Variants in TARS2 observed in about 807,000 individuals in gnomAD.
TARS2 encodes threonine--tRNA ligase, mitochondrial.
A neutral mutation model predicts 94.4 loss-of-function variants in TARS2; 61 were observed. The observed-to-expected ratio is 0.65, with a 90% CI of 0.53 to 0.80. The LOEUF is 0.80. Ranked by LOEUF, TARS2 falls within the 30% of genes least tolerant of loss-of-function variation. TARS2 has a pLI of 0.00. For missense variants in TARS2, 704 were observed against 902.5 expected (o/e 0.78, Z 2.82); for synonymous variants, 359 against 353.4 (o/e 1.02, Z -0.18).
chr1:150,503,387 T>C (rs1670007503), intron 13 of TARS2, among the ~76,000 whole-genome samples: 2 of 151,748 alleles, frequency 1.3e-5, no homozygotes, highest in South Asian at 4.2e-4. Context: ...GAAGTGCCAT[T>C]AATAGGAATA....
chr1:150,494,737 C>A (rs1475338571), intron 7 of TARS2, among the ~76,000 whole-genome samples: 2 of 151,772 alleles, frequency 1.3e-5, no homozygotes, highest in Non-Finnish European at 2.9e-5. Flanking sequence ...GACTCTGTTT[C>A]AAAAAATATA....
intron 3 of TARS2, 150 bp from the exon 4 acceptor site, chr1:150,490,451 A>AC: frequency 8.4e-7 from 1 of 1,193,012 alleles, no homozygotes. Flanking sequence ...TTTAGTGGTC[A>AC]CCCCCAAAAT....
chr1:150,501,840 T>C (rs1272036631), intron 13 of TARS2, among the ~76,000 whole-genome samples: 2 of 151,120 alleles, frequency 1.3e-5, no homozygotes, highest in Non-Finnish European at 3.0e-5. Flanking sequence ...AATAAAAAGA[T>C]AGAGAAAGGA....
intron 16 of TARS2, 138 bp downstream of exon 16, chr1:150,505,116 C>A: frequency 1.3e-6 from 1 of 784,738 alleles, no homozygotes; most frequent in Non-Finnish European, 2.1e-6. Context: ...GCTCGAGTGG[C>A]TGCTGTCCTA....
chr1:150,498,846 C>T (rs1035457579), intron 11 of TARS2, 51 bp from the exon 12 acceptor site: 1 of 1,612,720 alleles, frequency 6.2e-7, no homozygotes, highest in Non-Finnish European at 8.5e-7. Context: ...TGCCAGCATC[C>T]CTGATCTCTA....
At position 150,491,054 on chromosome 1, in the gene TARS2, C is replaced by CA. The variant is rs66499095; in HGVS notation, c.513-330dup. 1.9e-3 allele frequency among the ~76,000 whole-genome samples: 247 copies of CA among 129,962 alleles called. 1 individual carries two copies. Among genetic ancestry groups the CA allele is most frequent in the African/African-American group, 5.2e-3 (204 of 39,494 alleles). The allele number at this position is 129,962 out of a possible 152,430, so 85.3% of individuals were successfully genotyped here. A position where few individuals can be genotyped will look rare whatever the true frequency, so the allele number is the denominator to read the frequency against. On this transcript the variant is annotated intron_variant, in intron 4 of 17. Coordinates refer to ENST00000369064, the MANE Select transcript of TARS2 (RefSeq NM_025150.5). ...TGTGTGACACAGCAAGACACTTTCT[C>CA]AAAAAAAAAACAAAAAGAAAAAGAA...
At chr1:150,499,948 G>T (rs1669838297) in intron 13 of TARS2, among the ~76,000 whole-genome samples, 1 of 149,334 alleles carries the variant, frequency 6.7e-6, no homozygotes, top group African/African-American at 2.4e-5. Context: ...AGAGGCTGGG[G>T]ATAAGGATGA....
chr1:150,488,112 C>T, intron 2 of TARS2, 58 bp downstream of exon 2: 1 of 1,567,252 alleles, frequency 6.4e-7, no homozygotes, highest in Non-Finnish European at 8.7e-7. Flanking sequence ...ACTTTCTCTT[C>T]ACTTGAGCAG....
At chr1:150,490,848 C>CTATG in intron 4 of TARS2, 123 bp downstream of exon 4, 1 of 1,378,154 alleles carries the variant, frequency 7.3e-7, no homozygotes, top group Non-Finnish European at 1.0e-6. Context: ...TAGGTCTCAA[C>CTATG]TATGACATTA....
At chr1:150,494,017 T>C (rs1273166491) in intron 7 of TARS2, among the ~76,000 whole-genome samples, 1 of 151,870 alleles carries the variant, frequency 6.6e-6, no homozygotes, top group Non-Finnish European at 1.5e-5. Context: ...TCCCCATCTA[T>C]AAAATGAGGC....
In TARS2 at chr1:150,505,670, G is replaced by A. The variant is rs746037684; in HGVS notation, c.1973G>A (p.Arg658His). Reference sequence around the variant, plus strand: ...GGACTGACCCTCAGCCGGAGAATCCGCCGGGCCCAGCTTGCCCACTACAAT... The same window carrying A: ...GGACTGACCCTCAGCCGGAGAATCCACCGGGCCCAGCTTGCCCACTACAAT... ...DSGLTLSRRIRRAQLAHYNFQ... is the reference protein window; with the variant it reads ...DSGLTLSRRIHRAQLAHYNFQ... The change falls in exon 17 of 18, where the codon CGC becomes CAC. Residue 658 changes from arginine (R) to histidine (H), a missense_variant. By Grantham distance (29) the Arg-to-His change is conservative (BLOSUM62 0). Around this residue, in one of 3 missense-constraint regions of TARS2, gnomAD observed 466 missense variants for 609.5 expected, o/e 0.76. Coordinates refer to ENST00000369064, the MANE Select transcript of TARS2 (RefSeq NM_025150.5). 2.2e-5 allele frequency: 35 copies of A among 1,614,020 alleles called. No individual in the cohort carries two copies. Among genetic ancestry groups the A allele is most frequent in the African/African-American group, 2.7e-5 (2 of 74,920 alleles).
chr1:150,489,102 T>C lies in TARS2; in HGVS notation c.387+15T>C. The C allele has an allele frequency of 6.2e-7, 1 of 1,614,002 alleles. No homozygotes were observed. Among genetic ancestry groups the C allele is most frequent in the Non-Finnish European group, 8.5e-7 (1 of 1,179,906 alleles). On this transcript the variant is annotated intron_variant, in intron 3 of 17. Coordinates refer to ENST00000369064, the MANE Select transcript of TARS2 (RefSeq NM_025150.5). ...AGGGGAAAGCAGTAAGTTTCTTTCT[T>C]ATCAGGAATACAGTGACTACTAAAC...
At chr1:150,504,114 T>A (rs1285092407) in intron 13 of TARS2, among the ~76,000 whole-genome samples, 3 of 151,964 alleles carry the variant, frequency 2.0e-5, no homozygotes, top group Non-Finnish European at 4.4e-5. Context: ...GGTAATATTA[T>A]AACACCATTA....
chr1:150,502,534 CGCT>C (rs1669974411), intron 13 of TARS2, among the ~76,000 whole-genome samples: 1 of 152,010 alleles, frequency 6.6e-6, no homozygotes, highest in Non-Finnish European at 1.5e-5. Context: ...TACAGGCACC[CGCT>C]ACCACACCAG....
At chr1:150,503,579 A>G (rs868548572) in intron 13 of TARS2, among the ~76,000 whole-genome samples, 3,400 of 90,126 alleles carry the variant, frequency 0.038, 105 homozygotes, top group African/African-American at 0.094. Context: ...GTGTGTGTGT[A>G]TATATATGTG....
chr1:150,496,969 C>A, intron 9 of TARS2, 61 bp downstream of exon 9: 1 of 1,531,788 alleles, frequency 6.5e-7, no homozygotes, highest in South Asian at 1.1e-5. Flanking sequence ...CTAGAAGAAG[C>A]TAAGGTGTTT....
intron 15 of TARS2, 44 bp downstream of exon 15, chr1:150,504,777 T>G: frequency 6.2e-7 from 1 of 1,611,108 alleles, no homozygotes. Flanking sequence ...CCAAACCGGA[T>G]AGTTATGCTC....
intron 7 of TARS2, among the ~76,000 whole-genome samples, chr1:150,493,099 T>C (rs1200206254): frequency 6.6e-6 from 1 of 151,942 alleles, no homozygotes; most frequent in Non-Finnish European, 1.5e-5. Context: ...GCCAGGGTGA[T>C]CTCAAGTGAT....
rs1187824876 is a variant in TARS2, at chr1:150,501,882, C to T, written c.1618-2453C>T. On this transcript the variant is annotated intron_variant, in intron 13 of 17. Transcript: ENST00000369064. The stretch of plus-strand genomic sequence containing the variant: ...TCAAGAACTGTTATATAGCTAAAAT[C>T]TTTTTTTTGTTTGTTTTGTTTTATT... Among the ~76,000 whole-genome samples the T allele has an allele frequency of 4.0e-5, 6 of 151,714 alleles. No individual in the cohort carries two copies. In the South Asian group the frequency reaches 1.0e-3, roughly 26 times the overall value.
Sources: gnomAD v4.1 joint callset for allele counts (sites outside exome capture counted in the v4.1 genomes callset) on GRCh38, gnomAD v4.1.1 for gene constraint, gnomAD v4.1.1 regional missense constraint, MANE v1.5 for transcripts, NCBI Gene and HGNC (gene_info 2026-07-23, HGNC 2026-07-21) for gene names.